Variants in ERBIN observed in about 807,000 individuals in gnomAD.
ERBIN encodes the protein densin-180-like protein.
ERBIN carries 60 observed loss-of-function variants against 158.4 expected under a neutral mutation model. The observed-to-expected ratio is 0.38, with a 90% CI of 0.31 to 0.47. ERBIN has a LOEUF of 0.47. ERBIN is among the 20% of genes least tolerant of loss of function. ERBIN has a pLI of 0.99. For synonymous variants in ERBIN, 594 were observed against 557.2 expected (o/e 1.07, Z -0.93); for missense variants, 1,610 against 1,648.0 (o/e 0.98, Z 0.40).
chr5:65,965,549 C>T (rs1282339398), intron 1 of ERBIN, among the ~76,000 whole-genome samples: 1 of 46,838 alleles, frequency 2.1e-5, no homozygotes, highest in Non-Finnish European at 5.3e-5. Flanking sequence ...GGACTACAGG[C>T]ATGTGCTACC....
In ERBIN at chr5:66,018,548, ATATATTAT is replaced by A. The variant is rs1755229102; in HGVS notation, c.534-2773_534-2766del. ...TATATTATATTATATAATATATATT[ATATATTAT>A]ATAATATATATTATATTATATAATA... On this transcript the variant is annotated intron_variant, in intron 7 of 25. Transcript: ENST00000284037. 3.9e-4 allele frequency among the ~76,000 whole-genome samples: 4 copies of A among 10,168 alleles called. 2 individuals carry two copies. The highest frequency in any genetic ancestry group is 6.6e-4 in the Non-Finnish European group (4 of 6,050). The allele number at this position is 10,168 out of a possible 152,430, so 6.7% of individuals were successfully genotyped here. A position where few individuals can be genotyped will look rare whatever the true frequency, so the allele number is the denominator to read the frequency against.
intron 4 of ERBIN, among the ~76,000 whole-genome samples, chr5:66,009,365 ATG>A (rs1753959897): frequency 6.6e-6 from 1 of 152,248 alleles, no homozygotes; most frequent in Admixed American, 6.5e-5. Flanking sequence ...ATGTAAATGA[ATG>A]AGAGAAAAGA....
At chr5:66,049,173 T>C (rs1758770640) in intron 19 of ERBIN, among the ~76,000 whole-genome samples, 1 of 152,088 alleles carries the variant, frequency 6.6e-6, no homozygotes, top group Non-Finnish European at 1.5e-5. Flanking sequence ...CAGTACCTTA[T>C]GTATAGTAGG....
chr5:66,014,806 C>A, intron 7 of ERBIN, 81 bp downstream of exon 7: 1 of 639,384 alleles, frequency 1.6e-6, no homozygotes. Context: ...ATTTTTATTA[C>A]CTAAAATGTG....
Position 66,044,229 on chromosome 5 carries a change from T to C in ERBIN, c.1521T>C (p.Asp507=). 1 of 1,612,480 alleles carries C rather than the reference T, an allele frequency of 6.2e-7. No homozygotes were observed. The highest frequency in any genetic ancestry group is 8.5e-7 in the Non-Finnish European group (1 of 1,179,270). ...TVQTIVHRLK[D]EETNEDSGRD... Reference sequence around the variant, plus strand: ...AAACCATTGTACATAGATTAAAAGATGAAGAGACCAATGAAGACTCAGGAA... The same window carrying C: ...AAACCATTGTACATAGATTAAAAGACGAAGAGACCAATGAAGACTCAGGAA... Residue 507 remains aspartate, a synonymous_variant, in exon 17 of 26, where the codon GAT becomes GAC. Coordinates refer to ENST00000284037, the MANE Select transcript of ERBIN (RefSeq NM_001253697.2).
chr5:66,053,348 C>G (rs1414417595), intron 20 of ERBIN, 58 bp from the exon 21 acceptor site: 2 of 1,027,688 alleles, frequency 1.9e-6, no homozygotes, highest in Middle Eastern at 2.3e-4. Context: ...ATTAATGTTC[C>G]CTGTTACTAA....
intron 15 of ERBIN, among the ~76,000 whole-genome samples, chr5:66,039,642 ATTG>A (rs1322810237): frequency 1.3e-5 from 2 of 152,002 alleles, no homozygotes; most frequent in Admixed American, 6.6e-5. Context: ...TCATGAAATT[ATTG>A]TTCACATAAA....
chr5:66,078,469 C>T lies in ERBIN; in HGVS notation c.4178C>T (p.Ser1393Phe). The change falls in exon 26 of 26, where the codon TCC (serine) becomes TTC (phenylalanine). Residue 1393 changes from serine (S) to phenylalanine (F), a missense_variant. Physicochemically the swap from Ser to Phe is radical, Grantham distance 155 (BLOSUM62 -2). Transcript: ENST00000284037. ...AATATTGAACATGGACAAGCAGTGT[C>T]CTTGCTAAAAACTTTCCAGAATACA... The part of the protein sequence containing the change: ...FINIEHGQAV[S>F]LLKTFQNTVE... The T allele has an allele frequency of 3.8e-6, 6 of 1,597,686 alleles. No homozygotes were observed. The highest frequency in any genetic ancestry group is 5.1e-6 in the Non-Finnish European group (6 of 1,175,488).
intron 8 of ERBIN, 68 bp from the exon 9 acceptor site, chr5:66,023,221 CT>C: frequency 8.8e-7 from 1 of 1,135,158 alleles, no homozygotes; most frequent in Non-Finnish European, 1.3e-6. Context: ...CCCAGGGCTT[CT>C]TTTGCCAGAT....
At chr5:65,977,085 A>C (rs1367588244) in intron 1 of ERBIN, among the ~76,000 whole-genome samples, 4 of 137,266 alleles carry the variant, frequency 2.9e-5, no homozygotes, top group East Asian at 2.5e-4. Flanking sequence ...ACTTCCCAGT[A>C]GGGGCGGCCG....
In ERBIN at chr5:65,944,471, G is replaced by A. The variant is rs1444856815; in HGVS notation, c.-58+17665G>A. 3.3e-5 allele frequency among the ~76,000 whole-genome samples: 5 copies of A among 151,826 alleles called. 1 individual carries two copies. Among genetic ancestry groups the A allele is most frequent in the Admixed American group, 2.0e-4 (3 of 15,242 alleles). ...GGCCAGAGTGCAGTGGTGCAATCTCGGCTCACTGCAGCCTCCTCTTCCTCC... is the reference window on the plus strand; with the variant it reads ...GGCCAGAGTGCAGTGGTGCAATCTCAGCTCACTGCAGCCTCCTCTTCCTCC... On this transcript the variant is annotated intron_variant, in intron 1 of 25. Coordinates refer to ENST00000284037, the MANE Select transcript of ERBIN (RefSeq NM_001253697.2).
chr5:66,018,110 T>C (rs1175726349), intron 7 of ERBIN, among the ~76,000 whole-genome samples: 1 of 152,016 alleles, frequency 6.6e-6, no homozygotes, highest in Non-Finnish European at 1.5e-5. Flanking sequence ...AGTAGTGTGA[T>C]GCCTTCAACT....
At chr5:65,981,099 C>T (rs1750607537) in intron 1 of ERBIN, among the ~76,000 whole-genome samples, 1 of 152,082 alleles carries the variant, frequency 6.6e-6, no homozygotes, top group Non-Finnish European at 1.5e-5. Flanking sequence ...CTGTTGACTG[C>T]ATTGGAATTA....
intron 7 of ERBIN, among the ~76,000 whole-genome samples, chr5:66,019,338 T>A (rs1242240637): frequency 3.9e-5 from 6 of 152,182 alleles, no homozygotes; most frequent in Non-Finnish European, 8.8e-5. Context: ...GTTTTAGATA[T>A]ATAGTTAAGT....
chr5:66,076,528 T>TC lies in ERBIN; in HGVS notation c.4056+124dup, dbSNP rs55840030. On this transcript the variant is annotated intron_variant, in intron 24 of 25. Transcript: ENST00000284037. ...AAATCTAGGTAGACATCACCTGGAT[T>TC]CCCCACTCTATTGCTTACCTTTTTG... The TC allele has an allele frequency of 4.8e-3, 3,811 of 790,470 alleles. 51 individuals are homozygous for TC. Among genetic ancestry groups the TC allele is most frequent in the African/African-American group, 0.03 (1,694 of 56,786 alleles). The allele number at this position is 790,470 out of a possible 1,614,324, so 49.0% of individuals were successfully genotyped here.
intron 1 of ERBIN, among the ~76,000 whole-genome samples, chr5:65,943,805 T>A (rs1203333411): frequency 6.6e-6 from 1 of 152,236 alleles, no homozygotes; most frequent in Admixed American, 6.5e-5. Context: ...TCTCCAGAAC[T>A]CTTTTCATTT....
intron 4 of ERBIN, among the ~76,000 whole-genome samples, chr5:66,008,452 T>C (rs1753852964): frequency 6.6e-6 from 1 of 152,142 alleles, no homozygotes; most frequent in Admixed American, 6.5e-5. Context: ...TATTCTTTTG[T>C]ATTTGTGGGA....
chr5:66,043,972 A>G (rs1304288272), intron 16 of ERBIN, among the ~76,000 whole-genome samples, 165 bp from the exon 17 acceptor site: 8 of 152,174 alleles, frequency 5.3e-5, no homozygotes, highest in African/African-American at 1.9e-4. Context: ...ATAAAACCAT[A>G]TTTTTATCAA....
At chr5:66,045,326 T>C (rs1758323351) in intron 17 of ERBIN, among the ~76,000 whole-genome samples, 2 of 152,262 alleles carry the variant, frequency 1.3e-5, no homozygotes, top group African/African-American at 4.8e-5. Flanking sequence ...ATACTTTCTA[T>C]TGTGTTAGAA....
Sources: gnomAD v4.1 joint callset for allele counts (sites outside exome capture counted in the v4.1 genomes callset) on GRCh38, gnomAD v4.1.1 for gene constraint, MANE v1.5 for transcripts, NCBI Gene and HGNC (gene_info 2026-07-23, HGNC 2026-07-21) for gene names.